EPN1: variants seen among roughly 807,000 people sequenced by gnomAD.
EPN1 encodes the protein epsin 1.
Under a neutral mutation model 56.9 loss-of-function variants are expected in EPN1, and 25 were observed. That is an observed-to-expected ratio of 0.44 (90% CI 0.32 to 0.61). The LOEUF is 0.61. Ranked by LOEUF, EPN1 falls within the 20% of genes least tolerant of loss-of-function variation. EPN1 has a pLI of 0.05. For missense variants in EPN1, 785 were observed against 823.7 expected (o/e 0.95, Z 0.58); for synonymous variants, 411 against 361.8 (o/e 1.14, Z -1.54).
intron 3 of EPN1, among the ~76,000 whole-genome samples, chr19:55,686,944 G>T (rs528274639): frequency 9.1e-4 from 138 of 151,950 alleles, no homozygotes; most frequent in Admixed American, 1.5e-3. Context: ...CTTTGTGCAA[G>T]GCCAGAGCTA....
chr19:55,697,634 C>T lies in EPN1; in HGVS notation c.*2278C>T, dbSNP rs1465815393. On this transcript the variant is annotated 3_prime_UTR_variant, in exon 11 of 11. Transcript: ENST00000270460. ...GGCTTAACTACAGCATCTTCGGCAT[C>T]TTCTTTTCCCTACAGTGCGAATTAC... The T allele has an allele frequency of 2.0e-5, 3 of 152,222 alleles. No homozygotes were observed. Among genetic ancestry groups the T allele is most frequent in the Non-Finnish European group, 4.4e-5 (3 of 68,046 alleles). The allele number at this position is 152,222 out of a possible 1,614,324, so 9.4% of individuals were successfully genotyped here. A position where few individuals can be genotyped will look rare whatever the true frequency, so the allele number is the denominator to read the frequency against.
In EPN1 at chr19:55,684,692, G is replaced by A. The variant is rs117623572; in HGVS notation, c.229-704G>A. Among the ~76,000 whole-genome samples the A allele has an allele frequency of 6.6e-4, 101 of 152,260 alleles. 1 individual carries two copies. The East Asian group carries it at 0.015, about 23-fold the overall frequency. On this transcript the variant is annotated intron_variant, in intron 2 of 10. Coordinates refer to ENST00000270460, the MANE Select transcript of EPN1 (RefSeq NM_001130072.2). ...GATAAACTACTGCTCCAGGCTGTTA[G>A]TACCAGCGTGAGGTTTTACAGTCAG...
chr19:55,702,718 T>G lies in EPN1; in HGVS notation c.*7362T>G, dbSNP rs1987200594. 6.6e-6 allele frequency: 1 copy of G among 152,190 alleles called. No individual in the cohort carries two copies. Among genetic ancestry groups the G allele is most frequent in the Non-Finnish European group, 1.5e-5 (1 of 68,028 alleles). 9.4% of individuals were successfully genotyped at this position (152,190 alleles called of 1,614,324 possible). ...AATGATTTCTGTTTCTTACATCAAT[T>G]GGGTATTGATTTCAGGTAGAATGGG... On this transcript the variant is annotated 3_prime_UTR_variant, in exon 11 of 11. Transcript: ENST00000270460.
intron 3 of EPN1, among the ~76,000 whole-genome samples, chr19:55,686,099 C>T (rs1034915281): frequency 2.0e-5 from 3 of 152,252 alleles, no homozygotes; most frequent in African/African-American, 7.2e-5. Flanking sequence ...TTGCACCAGG[C>T]ATCTGGGCCT....
intron 1 of EPN1, 128 bp from the exon 2 acceptor site, chr19:55,678,399 C>A: frequency 1.0e-6 from 1 of 998,048 alleles, no homozygotes; most frequent in Middle Eastern, 3.3e-4. Context: ...GATGGGGTTA[C>A]TTTGAGACCT....
Position 55,706,299 on chromosome 19 carries a change from T to TTTTTTTTTTTTTTTTTTAAAA in EPN1, c.*10943_*10944insTTTTTTTTTTTTTTTTTAAAA. 1 of 154,890 alleles carries TTTTTTTTTTTTTTTTTTAAAA rather than the reference T, an allele frequency of 6.5e-6. No individual in the cohort carries two copies. The highest frequency in any genetic ancestry group is 3.2e-3 in the Middle Eastern group (1 of 314). The allele number at this position is 154,890 out of a possible 1,614,324, so 9.6% of individuals were successfully genotyped here. On this transcript the variant is annotated 3_prime_UTR_variant, in exon 11 of 11. Transcript: ENST00000270460. ...TTTCTTCTTCTTTTTTTTTTTTTTT[T>TTTTTTTTTTTTTTTTTTAAAA]AAAAGACCGTGTTTCGCTCTGTCAC...
In EPN1 at chr19:55,707,961, A is replaced by G. The variant is rs2122262898; in HGVS notation, c.*12605A>G. 6.5e-6 allele frequency: 1 copy of G among 152,686 alleles called. No individual in the cohort carries two copies. The highest frequency in any genetic ancestry group is 1.9e-4 in the East Asian group (1 of 5,196). 9.5% of individuals were successfully genotyped at this position (152,686 alleles called of 1,614,324 possible). On this transcript the variant is annotated 3_prime_UTR_variant, in exon 11 of 11. Coordinates refer to ENST00000270460, the MANE Select transcript of EPN1 (RefSeq NM_001130072.2). Reference sequence around the variant, plus strand: ...CCTGGCCTATGCCAGCATTCTTTAAAGTTGTGGGAAAAGGCCAAAAGCAAA... The same window carrying G: ...CCTGGCCTATGCCAGCATTCTTTAAGGTTGTGGGAAAAGGCCAAAAGCAAA...
rs755938983 is a variant in EPN1, at chr19:55,689,802, C to A, written c.679-65C>A. 2 of 1,475,014 alleles carry A rather than the reference C, an allele frequency of 1.4e-6. No individual in the cohort carries two copies. Among genetic ancestry groups the A allele is most frequent in the Non-Finnish European group, 1.9e-6 (2 of 1,078,176 alleles). 91.4% of individuals were successfully genotyped at this position (1,475,014 alleles called of 1,614,324 possible). On this transcript the variant is annotated intron_variant, in intron 5 of 10. Coordinates refer to ENST00000270460, the MANE Select transcript of EPN1 (RefSeq NM_001130072.2). The surrounding 1 kb of genome is among the most constrained non-coding windows in gnomAD (Gnocchi z 5.7). ...GGGAGGGGTTGCTGGGGCTTCCAGG[C>A]TGAGGTGGCATCTGCCCGTGGCTCA...
intron 1 of EPN1, among the ~76,000 whole-genome samples, 200 bp downstream of exon 1, chr19:55,675,635 GTC>G (rs1205773020): frequency 1.3e-5 from 2 of 152,172 alleles, no homozygotes; most frequent in Non-Finnish European, 2.9e-5. Context: ...GTCTGTCAGC[GTC>G]TGTTTCCTGT....
rs1231791842 is a variant in EPN1, at chr19:55,694,923, G to A, written c.1462G>A (p.Val488Met). The change falls in exon 10 of 11, where the codon GTG becomes ATG. Residue 488 changes from valine (V) to methionine (M), a missense_variant. Physicochemically the swap from Val to Met is conservative, Grantham distance 21. Around this residue, in one of 2 missense-constraint regions of EPN1, gnomAD observed 650 missense variants for 605.0 expected, o/e 1.07. Transcript: ENST00000270460. The surrounding 1 kb of genome is among the most constrained non-coding windows in gnomAD (Gnocchi z 4.2). ...AGCCCTCGTCGACCTGGACTCGCTG[G>A]TGAGCCGGCCGGGCCCCACGCCGCC... ...NAALVDLDSLVSRPGPTPPGA... is the reference protein window; with the variant it reads ...NAALVDLDSLMSRPGPTPPGA... The A allele has an allele frequency of 1.3e-6, 2 of 1,571,822 alleles. No homozygotes were observed. Among genetic ancestry groups the A allele is most frequent in the Non-Finnish European group, 1.7e-6 (2 of 1,159,196 alleles).
rs1373478791 is a variant in EPN1 at position 55,709,075 on chromosome 19, T to G, written c.*13719T>G. The stretch of plus-strand genomic sequence containing the variant: ...AAAATAGAAATAAAGTTTTTTTTTT[T>G]GTTTTTCATTTTTACACAGTATTGC... On this transcript the variant is annotated 3_prime_UTR_variant, in exon 11 of 11. Coordinates refer to ENST00000270460, the MANE Select transcript of EPN1 (RefSeq NM_001130072.2). 1 of 1,537,512 alleles carries G rather than the reference T, an allele frequency of 6.5e-7. No individual in the cohort carries two copies. Among genetic ancestry groups the G allele is most frequent in the Non-Finnish European group, 8.7e-7 (1 of 1,147,580 alleles).
Position 55,689,277 on chromosome 19 carries a change from T to A in EPN1, c.604-20T>A. On this transcript the variant is annotated intron_variant, in intron 4 of 10. Transcript: ENST00000270460. The surrounding 1 kb of genome is among the most constrained non-coding windows in gnomAD (Gnocchi z 5.7). ...CCTCTGGCCCCTCCCGTCATGCCCC[T>A]CACACTCTCTCTCCCCCAGCCCCCG... is the stretch of plus-strand genomic sequence containing the variant. 1 of 1,530,582 alleles carries A rather than the reference T, an allele frequency of 6.5e-7. No homozygotes were observed. Among genetic ancestry groups the A allele is most frequent in the Non-Finnish European group, 8.9e-7 (1 of 1,129,850 alleles). The allele number at this position is 1,530,582 out of a possible 1,614,324, so 94.8% of individuals were successfully genotyped here. A position where few individuals can be genotyped will look rare whatever the true frequency, so the allele number is the denominator to read the frequency against.
chr19:55,684,934 G>T (rs1012699765), intron 2 of EPN1, among the ~76,000 whole-genome samples: 1 of 152,094 alleles, frequency 6.6e-6, no homozygotes, highest in African/African-American at 2.4e-5. Context: ...CCTTCATATC[G>T]CACAGTTCAG....
chr19:55,706,115 GT>G lies in EPN1; in HGVS notation c.*10762del. ...TTTTCCAGATTCTCTGCATGTGCAG[GT>G]TTATGAGACTGGAGAACTTTGATTT... On this transcript the variant is annotated 3_prime_UTR_variant, in exon 11 of 11. Transcript: ENST00000270460. 4.1e-6 allele frequency: 1 copy of G among 242,474 alleles called. No homozygotes were observed. 15.0% of individuals were successfully genotyped at this position (242,474 alleles called of 1,614,324 possible).
At chr19:55,693,977 A>G (rs563362565) in intron 9 of EPN1, 1 of 152,198 alleles carries the variant, frequency 6.6e-6, no homozygotes, top group African/African-American at 2.4e-5. Context: ...GCACTTTGGA[A>G]GCTCGAGGTG....
intron 1 of EPN1, chr19:55,676,965 T>A: frequency 3.3e-6 from 2 of 604,128 alleles, no homozygotes. Context: ...TGTTACATCA[T>A]CTCTTCATCT....
chr19:55,691,879 G>A lies in EPN1; in HGVS notation c.888G>A (p.Trp296Ter). ...CGGCTGCCCCCACCTCGGACCCCTGGGGCGGCCCCCCTGTCCCTCCAGCTG... is the reference window on the plus strand; with the variant it reads ...CGGCTGCCCCCACCTCGGACCCCTGAGGCGGCCCCCCTGTCCCTCCAGCTG... ...VPTAAPTSDPWGGPPVPPAAD... is the reference protein window; with the variant it reads ...VPTAAPTSDP Residue 296 changes from tryptophan (W) to a stop codon, truncating the protein, a stop_gained, in exon 7 of 11, where the codon TGG becomes TGA. Coordinates refer to ENST00000270460, the MANE Select transcript of EPN1 (RefSeq NM_001130072.2). LOFTEE classifies it high-confidence loss of function. The surrounding 1 kb of genome is among the most constrained non-coding windows in gnomAD (Gnocchi z 5.6). 1 of 1,602,276 alleles carries A rather than the reference G, an allele frequency of 6.2e-7. No homozygotes were observed. Among genetic ancestry groups the A allele is most frequent in the Non-Finnish European group, 8.5e-7 (1 of 1,174,142 alleles).
intron 2 of EPN1, among the ~76,000 whole-genome samples, chr19:55,682,105 C>T (rs781623372): frequency 1.3e-5 from 2 of 152,086 alleles, no homozygotes; most frequent in East Asian, 1.9e-4. Context: ...TACACCTGGC[C>T]CACTTGCTCA....
Position 55,689,375 on chromosome 19 carries a change from A to G in EPN1, c.678+4A>G. 6 of 1,551,318 alleles carry G rather than the reference A, an allele frequency of 3.9e-6. No homozygotes were observed. The highest frequency in any genetic ancestry group is 5.2e-6 in the Non-Finnish European group (6 of 1,146,680). ...GAGCCGAGAAGAGCATGATAAGGTC[A>G]GAGCAGCCTCCCTGTCCCTGCCCCT... is the stretch of plus-strand genomic sequence containing the variant. On this transcript the variant is annotated splice_donor_region_variant and intron_variant, in intron 5 of 10. Coordinates refer to ENST00000270460, the MANE Select transcript of EPN1 (RefSeq NM_001130072.2). The surrounding 1 kb of genome is among the most constrained non-coding windows in gnomAD (Gnocchi z 5.7).
Sources: allele counts gnomAD v4.1 joint callset (sites outside exome capture counted in the v4.1 genomes callset), GRCh38; gene constraint gnomAD v4.1.1; regional missense constraint gnomAD v4.1.1; non-coding constraint Gnocchi (gnomAD v3.1); transcripts MANE v1.5; gene names NCBI Gene and HGNC (gene_info 2026-07-23, HGNC 2026-07-21).